STARD13: variants seen among roughly 807,000 people sequenced by gnomAD.
STARD13 encodes stAR-related lipid transfer protein 13.
A neutral mutation model predicts 106.4 loss-of-function variants in STARD13; 62 were observed. The ratio of observed to expected loss-of-function variants is 0.58; its 90% CI spans 0.48 to 0.72. The LOEUF (loss-of-function observed/expected upper bound fraction) is 0.72. Ranked by LOEUF, STARD13 falls within the 30% of genes least tolerant of loss-of-function variation. The pLI is 0.00. For synonymous variants in STARD13, 565 were observed against 553.0 expected, an observed-to-expected ratio of 1.02 and a Z score of -0.31; for missense variants, 1,387 against 1,424.0, an observed-to-expected ratio of 0.97 and a Z score of 0.42.
At chr13:33,167,427 GA>G in intron 2 of STARD13, 123 bp downstream of exon 2, 1 of 928,540 alleles carries the variant, frequency 1.1e-6, no homozygotes, top group Non-Finnish European at 1.7e-6. Flanking sequence ...AAGGCCGAGG[GA>G]AAAAGAAAGC....
chr13:33,127,380 A>G lies in STARD13; in HGVS notation c.1915T>C (p.Trp639Arg). The G allele has an allele frequency of 6.3e-7, 1 of 1,597,930 alleles. No homozygotes were observed. Among genetic ancestry groups the G allele is most frequent in the Middle Eastern group, 1.7e-4 (1 of 5,940 alleles). Residue 639 changes from tryptophan (W) to arginine (R), a missense_variant, in exon 6 of 14, where the codon TGG becomes CGG. Physicochemically the swap from Trp to Arg is moderately radical, Grantham distance 101. Transcript: ENST00000336934. ...EKHSMSNKHGWTWSVPKFMKR... is the reference protein window; with the variant it reads ...EKHSMSNKHGRTWSVPKFMKR... ...GGTGAATGTGCTACGCACCATGTCC[A>G]GCCGTGCTTGTTGGACATGGAGTGC... is the stretch of plus-strand genomic sequence containing the variant.
chr13:33,201,541 C>G (rs1887041782), intron 1 of STARD13, among the ~76,000 whole-genome samples: 1 of 152,174 alleles, frequency 6.6e-6, no homozygotes, highest in Non-Finnish European at 1.5e-5. Context: ...AACAAGTAGA[C>G]TCAAATTTTC....
At chr13:33,597,108 C>T in the STARD13 span, among the ~76,000 whole-genome samples, 4 of 152,156 alleles carry the variant, frequency 2.6e-5, no homozygotes, top group African/African-American at 9.7e-5. Context: ...TGAGAAGACT[C>T]CATGGTTTTT....
At chr13:33,144,879 T>C (rs551877873) in intron 3 of STARD13, among the ~76,000 whole-genome samples, 1 of 152,364 alleles carries the variant, frequency 6.6e-6, no homozygotes, top group East Asian at 1.9e-4. Context: ...TCTGCTTTTC[T>C]GTGGAAAAGC....
chr13:33,374,440 C>T, the STARD13 span, among the ~76,000 whole-genome samples: 4 of 152,012 alleles, frequency 2.6e-5, no homozygotes, highest in African/African-American at 4.8e-5. Flanking sequence ...TTTTATGTTA[C>T]GTATATTTTA....
chr13:33,194,941 T>A (rs1031896651), intron 1 of STARD13, among the ~76,000 whole-genome samples: 1 of 152,262 alleles, frequency 6.6e-6, no homozygotes, highest in Non-Finnish European at 1.5e-5. Context: ...TGAACAGCAA[T>A]CTTGCAGTGA....
the STARD13 span, among the ~76,000 whole-genome samples, chr13:33,621,804 T>G: frequency 1.3e-5 from 2 of 151,866 alleles, no homozygotes; most frequent in Non-Finnish European, 2.9e-5. Flanking sequence ...CACTTGCAAT[T>G]TTTTTTTCTT....
At chr13:33,398,901 A>T in the STARD13 span, among the ~76,000 whole-genome samples, 1 of 152,192 alleles carries the variant, frequency 6.6e-6, no homozygotes, top group African/African-American at 2.4e-5. Context: ...CTTGGTATTT[A>T]CTCAAGAGAA....
chr13:33,439,925 T>C, the STARD13 span, among the ~76,000 whole-genome samples: 1 of 152,164 alleles, frequency 6.6e-6, no homozygotes, highest in Non-Finnish European at 1.5e-5. Context: ...GTCATCAAAA[T>C]ACTCATTCAT....
At chr13:33,642,853 A>C in the STARD13 span, among the ~76,000 whole-genome samples, 42 of 152,012 alleles carry the variant, frequency 2.8e-4, 1 homozygote, top group African/African-American at 6.5e-4. Flanking sequence ...AAAAAAAAAA[A>C]AAAAACCTCC....
At chr13:33,307,738 G>A (rs1489906417) in intron 1 of STARD13, among the ~76,000 whole-genome samples, 1 of 152,076 alleles carries the variant, frequency 6.6e-6, no homozygotes, top group Non-Finnish European at 1.5e-5. Flanking sequence ...TGGGTTCATA[G>A]CTGCAGCAAA....
Position 33,128,991 on chromosome 13 carries a change from C to G in STARD13, c.1686G>C (p.Glu562Asp). ...ERDVTSLNES[E>D]PPGVRDRRDS... Reference sequence around the variant, plus strand: ...CCCTCCTGTCTCTGACCCCAGGAGGCTCAGATTCATTAAGAGATGTTACAT... The same window carrying G: ...CCCTCCTGTCTCTGACCCCAGGAGGGTCAGATTCATTAAGAGATGTTACAT... Residue 562 changes from glutamate to aspartate, a missense_variant, in exon 5 of 14, where the codon GAG becomes GAC. Coordinates refer to ENST00000336934, the MANE Select transcript of STARD13 (RefSeq NM_178006.4). 1 of 1,614,078 alleles carries G rather than the reference C, an allele frequency of 6.2e-7. No homozygotes were observed. The highest frequency in any genetic ancestry group is 8.5e-7 in the Non-Finnish European group (1 of 1,179,996).
At chr13:33,566,052 C>T in the STARD13 span, among the ~76,000 whole-genome samples, 1 of 148,192 alleles carries the variant, frequency 6.7e-6, no homozygotes, top group African/African-American at 2.5e-5. Flanking sequence ...CAGAAATAAA[C>T]AATTCATAAG....
Position 33,184,949 on chromosome 13 carries a change from A to G in STARD13, c.170-17327T>C, listed in dbSNP as rs146348610. ...ATATAACATGCCCATACTTCTTTTA[A>G]TGCAACAAAGCTTTCCTTCAAATTT... On this transcript the variant is annotated intron_variant, in intron 1 of 13. Transcript: ENST00000336934. Among the ~76,000 whole-genome samples, 748 of 152,298 alleles carry G rather than the reference A, an allele frequency of 4.9e-3. 10 individuals are homozygous for G. Among genetic ancestry groups the G allele is most frequent in the African/African-American group, 0.017 (718 of 41,554 alleles).
the STARD13 span, among the ~76,000 whole-genome samples, chr13:33,450,704 T>G: frequency 2.6e-5 from 4 of 152,154 alleles, no homozygotes; most frequent in Admixed American, 6.5e-5. Flanking sequence ...GTGGACATCA[T>G]GTAGAGAATC....
upstream of STARD13, among the ~76,000 whole-genome samples, chr13:33,351,815 T>C (rs370532040): frequency 6.6e-6 from 1 of 152,226 alleles, no homozygotes; most frequent in East Asian, 1.9e-4. Flanking sequence ...TTAAAAGTAT[T>C]CAGTCCTTCC....
chr13:33,333,084 A>G (rs750326948), intron 1 of STARD13, among the ~76,000 whole-genome samples: 7 of 152,196 alleles, frequency 4.6e-5, no homozygotes, highest in Non-Finnish European at 7.3e-5. Flanking sequence ...GATGACAAAC[A>G]TATTTTTAAA....
At chr13:33,413,981 C>A in the STARD13 span, among the ~76,000 whole-genome samples, 1 of 134,072 alleles carries the variant, frequency 7.5e-6, no homozygotes. Context: ...TGCAGTGAGC[C>A]AGGATTGAAC....
chr13:33,414,045 A>G, the STARD13 span, among the ~76,000 whole-genome samples: 1 of 151,398 alleles, frequency 6.6e-6, no homozygotes, highest in Non-Finnish European at 1.5e-5. Flanking sequence ...AAAAAAAAAA[A>G]AAAAAGAAAA....
Sources: gnomAD v4.1 joint callset for allele counts (sites outside exome capture counted in the v4.1 genomes callset) on GRCh38, gnomAD v4.1.1 for gene constraint, MANE v1.5 for transcripts, NCBI Gene and HGNC (gene_info 2026-07-23, HGNC 2026-07-21) for gene names.